The following COL4A3 variants were observed in gnomAD, a reference collection of about 807,000 sequenced individuals.
COL4A3 encodes the protein collagen type IV alpha 3 chain.
COL4A3 carries 135 observed loss-of-function variants against 217.4 expected under a neutral mutation model. That is an observed-to-expected ratio of 0.62 (90% CI 0.54 to 0.72). The LOEUF (loss-of-function observed/expected upper bound fraction) is 0.72, where lower values mean the gene tolerates loss of function less well. Among genes scored for constraint, COL4A3 ranks in the 30% least tolerant of loss-of-function variants. COL4A3 has a pLI of 0.00. For synonymous variants in COL4A3, 690 were observed against 736.3 expected (o/e 0.94, Z 1.02); for missense variants, 1,868 against 2,119.9 (o/e 0.88, Z 2.33).
At position 227,191,615 on chromosome 2, in the gene COL4A3, G is replaced by A. The variant is rs997955109; in HGVS notation, c.87+26802G>A. Among the ~76,000 whole-genome samples, 8 of 152,082 alleles carry A rather than the reference G, an allele frequency of 5.3e-5. No homozygotes were observed. The highest frequency in any genetic ancestry group is 7.4e-5 in the Non-Finnish European group (5 of 68,010). ...ATCAGGATGATCAGATTTCAAAGTC[G>A]GCCAAATAACTCATCTTGGAGACAG... On this transcript the variant is annotated intron_variant, in intron 1 of 51. Transcript: ENST00000396578. The surrounding 1 kb of genome is among the most constrained non-coding windows in gnomAD (Gnocchi z 6.8).
At chr2:227,255,826 C>T (rs2070129510) in intron 15 of COL4A3, among the ~76,000 whole-genome samples, 200 bp from the exon 16 acceptor site, 1 of 152,176 alleles carries the variant, frequency 6.6e-6, no homozygotes, top group African/African-American at 2.4e-5. Flanking sequence ...TTCTGACTGG[C>T]TTCTGCTTTC....
chr2:227,311,097 T>C (rs1285521409), intron 51 of COL4A3, 149 bp downstream of exon 51: 2 of 731,296 alleles, frequency 2.7e-6, no homozygotes, highest in Non-Finnish European at 4.7e-6. Flanking sequence ...TAAACACATT[T>C]AATATTTGTA....
chr2:227,190,079 A>AT (rs1156903507), intron 1 of COL4A3, among the ~76,000 whole-genome samples: 2 of 152,228 alleles, frequency 1.3e-5, no homozygotes, highest in Non-Finnish European at 2.9e-5. Context: ...GGAAAAAAAA[A>AT]GAAAAAAAAG....
Position 227,164,726 on chromosome 2 carries a change from C to T in COL4A3, c.-1C>T, listed in dbSNP as rs879634793. On this transcript the variant is annotated 5_prime_UTR_variant, in exon 1 of 52. Transcript: ENST00000396578. The surrounding 1 kb of genome is among the most constrained non-coding windows in gnomAD (Gnocchi z 4.8). ...GCCCAGGCTCTGAGCGCGCGCCCAC[C>T]ATGAGCGCCCGGACCGCCCCCAGGC... 6.1e-5 allele frequency: 94 copies of T among 1,530,346 alleles called. No individual in the cohort carries two copies. Among genetic ancestry groups the T allele is most frequent in the Non-Finnish European group, 7.9e-5 (90 of 1,145,188 alleles). The allele number at this position is 1,530,346 out of a possible 1,614,324, so 94.8% of individuals were successfully genotyped here. A position where few individuals can be genotyped will look rare whatever the true frequency, so the allele number is the denominator to read the frequency against.
Position 227,312,209 on chromosome 2 carries a change from G to T in COL4A3, c.*339G>T. 1 of 285,990 alleles carries T rather than the reference G, an allele frequency of 3.5e-6. No homozygotes were observed. Among genetic ancestry groups the T allele is most frequent in the South Asian group, 3.4e-5 (1 of 29,106 alleles). The allele number at this position is 285,990 out of a possible 1,614,324, so 17.7% of individuals were successfully genotyped here. On this transcript the variant is annotated 3_prime_UTR_variant, in exon 52 of 52. Transcript: ENST00000396578. ...AAGTTATGAAATATTTGGCCCGCTG[G>T]ATTCCCACATTTGTCTTCTTTCTGT...
intron 1 of COL4A3, among the ~76,000 whole-genome samples, chr2:227,165,593 A>T (rs780471978): frequency 6.6e-6 from 1 of 152,174 alleles, no homozygotes; most frequent in Non-Finnish European, 1.5e-5. Context: ...GTAAACTTTA[A>T]CTTTTCAGAT....
intron 7 of COL4A3, among the ~76,000 whole-genome samples, chr2:227,247,112 C>T (rs1040888254): frequency 6.6e-6 from 1 of 152,060 alleles, no homozygotes; most frequent in African/African-American, 2.4e-5. Flanking sequence ...GAGGAGCAGC[C>T]CTGGTGGGAG....
rs2072042022 is a variant in COL4A3 at position 227,282,398 on chromosome 2, C to T, written c.2522C>T (p.Pro841Leu). ...GGTAAAACGGGGCCAAAGGGAGACC[C>T]AGGAATTCCAGGCTTGGATAGATCA... ...RRGKTGPKGD[P>L]GIPGLDRSGF... The change falls in exon 32 of 52, where the codon CCA becomes CTA. Residue 841 changes from proline to leucine, a missense_variant. Physicochemically the swap from Pro to Leu is moderately conservative, Grantham distance 98. This residue lies in a region of COL4A3 where 1,503 missense variants were observed against 1,786.1 expected (regional missense o/e 0.84). Transcript: ENST00000396578. The surrounding 1 kb of genome is among the most constrained non-coding windows in gnomAD (Gnocchi z 4.4). 8 of 1,612,982 alleles carry T rather than the reference C, an allele frequency of 5.0e-6. No individual in the cohort carries two copies. Among genetic ancestry groups the T allele is most frequent in the Non-Finnish European group, 6.8e-6 (8 of 1,179,804 alleles).
At chr2:227,184,558 C>T (rs994439016) in intron 1 of COL4A3, among the ~76,000 whole-genome samples, 3 of 152,182 alleles carry the variant, frequency 2.0e-5, no homozygotes, top group African/African-American at 7.2e-5. Flanking sequence ...TTTTGCTATG[C>T]TACTACATTT....
chr2:227,195,506 G>A (rs2066430431), intron 1 of COL4A3, among the ~76,000 whole-genome samples: 1 of 152,138 alleles, frequency 6.6e-6, no homozygotes, highest in African/African-American at 2.4e-5. Context: ...GGTAATGCTA[G>A]TGTAAACAAA....
At chr2:227,287,869 G>A (rs1039995161) in intron 34 of COL4A3, among the ~76,000 whole-genome samples, 1 of 152,162 alleles carries the variant, frequency 6.6e-6, no homozygotes, top group Admixed American at 6.6e-5. Flanking sequence ...AAAACCTGGG[G>A]AAAGAGAACA....
Position 227,311,768 on chromosome 2 carries a change from GGTTT to G in COL4A3, c.4929-13_4929-10del. 1 of 1,607,056 alleles carries G rather than the reference GGTTT, an allele frequency of 6.2e-7. No individual in the cohort carries two copies. On this transcript the variant is annotated splice_polypyrimidine_tract_variant and intron_variant, in intron 51 of 51. Coordinates refer to ENST00000396578, the MANE Select transcript of COL4A3 (RefSeq NM_000091.5). ...TATGCATAAATAAATGAATTTTTTT[GGTTT>G]GTTTTTATTTCAGAAAGCCTATTCC...
intron 2 of COL4A3, among the ~76,000 whole-genome samples, chr2:227,239,832 T>C (rs896259303): frequency 5.9e-5 from 9 of 152,146 alleles, no homozygotes; most frequent in African/African-American, 2.2e-4. Context: ...TACCTGGGCT[T>C]TCCCTTTCAT....
intron 1 of COL4A3, among the ~76,000 whole-genome samples, chr2:227,202,741 AAAAAAATAT>A (rs761426476): frequency 0.13 from 6,103 of 46,532 alleles, 519 homozygotes; most frequent in South Asian, 0.22. Context: ...TCTCTAAAAA[AAAAAAATAT>A]ATATATATAT....
Position 227,266,391 on chromosome 2 carries a change from TTG to T in COL4A3, c.1316-24_1316-23del, listed in dbSNP as rs772662323. 15 of 1,552,776 alleles carry T rather than the reference TTG, an allele frequency of 9.7e-6. No homozygotes were observed. In the South Asian group the frequency reaches 1.7e-4, roughly 17 times the overall value. On this transcript the variant is annotated intron_variant, in intron 21 of 51. Coordinates refer to ENST00000396578, the MANE Select transcript of COL4A3 (RefSeq NM_000091.5). ...AATTGAAAAAAACACAAATAAAAAA[TTG>T]TCTTTGGTGCTGTATTTTTATAGGT...
intron 38 of COL4A3, chr2:227,294,161 AGG>A (rs1206637166): frequency 3.1e-6 from 1 of 321,418 alleles, no homozygotes; most frequent in Non-Finnish European, 5.9e-6. Context: ...TTGCAGATTC[AGG>A]TCTTACTTAA....
chr2:227,240,947 C>T (rs2068982630), intron 3 of COL4A3, among the ~76,000 whole-genome samples: 1 of 152,214 alleles, frequency 6.6e-6, no homozygotes, highest in Non-Finnish European at 1.5e-5. Flanking sequence ...AACCCCTCTG[C>T]TTAGTTTCAA....
chr2:227,255,899 G>A, intron 15 of COL4A3, 127 bp from the exon 16 acceptor site: 1 of 899,668 alleles, frequency 1.1e-6, no homozygotes, highest in Non-Finnish European at 1.8e-6. Context: ...ACACCTGGGT[G>A]AAGATCTTTA....
intron 20 of COL4A3, among the ~76,000 whole-genome samples, chr2:227,262,192 C>G (rs1486249520): frequency 1.3e-5 from 2 of 151,726 alleles, no homozygotes; most frequent in Non-Finnish European, 2.9e-5. Context: ...AAAGATATAC[C>G]TCAAACTGTT....
Sources: allele counts gnomAD v4.1 joint callset (sites outside exome capture counted in the v4.1 genomes callset), GRCh38; gene constraint gnomAD v4.1.1; regional missense constraint gnomAD v4.1.1; non-coding constraint Gnocchi (gnomAD v3.1); transcripts MANE v1.5; gene names NCBI Gene and HGNC (gene_info 2026-07-23, HGNC 2026-07-21).